ANXA8: variants seen among roughly 807,000 people sequenced by gnomAD.
The protein encoded by ANXA8 is annexin A8, also known as VAC-beta.
In ANXA8, 9 loss-of-function variants were observed where a neutral mutation model predicts 26.8. The observed-to-expected ratio is 0.34, with a 90% CI of 0.20 to 0.59. The LOEUF (loss-of-function observed/expected upper bound fraction) is 0.59. ANXA8 is among the 20% of genes least tolerant of loss of function. The pLI, the probability that ANXA8 is intolerant of heterozygous loss-of-function variation, is 0.84. For missense variants in ANXA8, 83 were observed against 238.5 expected (o/e 0.35, Z 4.29); for synonymous variants, 39 against 94.8 (o/e 0.41, Z 3.42).
chr10:47,584,083 G>A, the ANXA8 span, among the ~76,000 whole-genome samples: 1 of 146,414 alleles, frequency 6.8e-6, no homozygotes, highest in Non-Finnish European at 1.5e-5. Flanking sequence ...GGGAGGCTGA[G>A]GCACCAGCAT....
At chr10:47,487,782 T>G (rs1432178600), upstream of ANXA8, among the ~76,000 whole-genome samples, 4 of 147,842 alleles carry the variant, frequency 2.7e-5, no homozygotes, top group Non-Finnish European at 5.9e-5. Context: ...GTGTTTTTTT[T>G]TTTGGCTATA....
At chr10:47,939,090 T>G in the ANXA8 span, among the ~76,000 whole-genome samples, 939 of 145,538 alleles carry the variant, frequency 6.5e-3, 112 homozygotes, top group African/African-American at 0.024. Context: ...CTGACAGGCA[T>G]TTTCACTTCT....
At chr10:47,982,084 T>C in the ANXA8 span, among the ~76,000 whole-genome samples, 14 of 151,218 alleles carry the variant, frequency 9.3e-5, no homozygotes, top group African/African-American at 3.1e-4. Context: ...AGCCCAGAGT[T>C]TGAGATTAAC....
At chr10:47,955,869 C>CT in the ANXA8 span, among the ~76,000 whole-genome samples, 1 of 140,230 alleles carries the variant, frequency 7.1e-6, no homozygotes, top group Non-Finnish European at 1.5e-5. Context: ...AACTTTTTGA[C>CT]TTTTTTATAT....
At chr10:47,656,176 G>C in the ANXA8 span, among the ~76,000 whole-genome samples, 1 of 151,618 alleles carries the variant, frequency 6.6e-6, no homozygotes, top group Non-Finnish European at 1.5e-5. Flanking sequence ...GTGGGCAGCT[G>C]GCTTGAGCCC....
the ANXA8 span, among the ~76,000 whole-genome samples, chr10:47,709,497 T>G: frequency 1.3e-5 from 2 of 149,842 alleles, no homozygotes; most frequent in African/African-American, 5.1e-5. Flanking sequence ...TATACCTTAA[T>G]AAAAAGTGAG....
chr10:47,952,022 AT>A, the ANXA8 span, among the ~76,000 whole-genome samples: 2 of 150,468 alleles, frequency 1.3e-5, no homozygotes, highest in East Asian at 4.1e-4. Flanking sequence ...ATCTAGATAG[AT>A]GTTATAAAAG....
chr10:47,650,113 C>A, the ANXA8 span, among the ~76,000 whole-genome samples: 1 of 147,936 alleles, frequency 6.8e-6, no homozygotes, highest in Non-Finnish European at 1.5e-5. Context: ...GAGGCTGAGG[C>A]ACGAGAATCT....
chr10:47,733,257 T>TTCTCTTTCTTTCTC, the ANXA8 span, among the ~76,000 whole-genome samples: 58 of 107,812 alleles, frequency 5.4e-4, 1 homozygote, highest in South Asian at 8.5e-4. Flanking sequence ...CTTTCTTTCT[T>TTCTCTTTCTTTCTC]TCTTTCTTTC....
chr10:47,716,057 C>T, the ANXA8 span, among the ~76,000 whole-genome samples: 3 of 148,336 alleles, frequency 2.0e-5, no homozygotes, highest in Non-Finnish European at 3.0e-5. Flanking sequence ...TCAGTGCATG[C>T]CACCACACCC....
the ANXA8 span, among the ~76,000 whole-genome samples, chr10:47,686,333 C>T: frequency 6.6e-6 from 1 of 150,902 alleles, no homozygotes; most frequent in African/African-American, 2.4e-5. Flanking sequence ...ATTCTCATGC[C>T]TCAGCCTCCT....
At chr10:47,898,811 A>AGTTTT in the ANXA8 span, among the ~76,000 whole-genome samples, 1 of 56,242 alleles carries the variant, frequency 1.8e-5, no homozygotes, top group Non-Finnish European at 2.9e-5. Flanking sequence ...AAGAGAATGG[A>AGTTTT]TTTTTTTTTT....
At chr10:47,560,953 G>A in the ANXA8 span, among the ~76,000 whole-genome samples, 1 of 151,158 alleles carries the variant, frequency 6.6e-6, no homozygotes, top group Non-Finnish European at 1.5e-5. Flanking sequence ...TGGGACTACG[G>A]GCACATGCCC....
At chr10:47,489,109 C>T (rs1840101341), upstream of ANXA8, among the ~76,000 whole-genome samples, 1 of 150,314 alleles carries the variant, frequency 6.7e-6, no homozygotes, top group South Asian at 2.1e-4. Context: ...GCTCTGCCTC[C>T]CAGGTACACA....
the ANXA8 span, among the ~76,000 whole-genome samples, chr10:47,646,355 C>T: frequency 1.4e-5 from 2 of 141,136 alleles, no homozygotes; most frequent in Admixed American, 7.1e-5. Context: ...TGAATCTGGC[C>T]CCCACCTCAC....
At chr10:47,898,959 G>A in the ANXA8 span, among the ~76,000 whole-genome samples, 4 of 149,574 alleles carry the variant, frequency 2.7e-5, no homozygotes, top group East Asian at 2.0e-4. Context: ...TCAGCCTCCC[G>A]AGTAGCTGGG....
At chr10:47,614,496 T>C in the ANXA8 span, among the ~76,000 whole-genome samples, 2 of 67,418 alleles carry the variant, frequency 3.0e-5, 1 homozygote, top group African/African-American at 8.5e-5. Flanking sequence ...TTTGTGAAGA[T>C]AGGCCTTTTC....
At chr10:47,976,638 G>C in the ANXA8 span, among the ~76,000 whole-genome samples, 480 of 148,638 alleles carry the variant, frequency 3.2e-3, 7 homozygotes, top group Middle Eastern at 0.01. Context: ...GGGGAGGACA[G>C]AATAGGTTTA....
At chr10:47,942,636 A>G in the ANXA8 span, among the ~76,000 whole-genome samples, 2 of 142,680 alleles carry the variant, frequency 1.4e-5, 1 homozygote, top group East Asian at 4.4e-4. Flanking sequence ...CCTCAGCAAC[A>G]TTATCTCTAA....
Sources: allele counts gnomAD v4.1 joint callset (sites outside exome capture counted in the v4.1 genomes callset), GRCh38; gene constraint gnomAD v4.1.1; transcripts MANE v1.5; gene names NCBI Gene and HGNC (gene_info 2026-07-23, HGNC 2026-07-21).